The following ACOT12 variants were observed in gnomAD, a reference collection of about 807,000 sequenced individuals.
The protein encoded by ACOT12 is acetyl-coenzyme A thioesterase.
A neutral mutation model predicts 67.7 loss-of-function variants in ACOT12; 51 were observed. That is an observed-to-expected ratio of 0.75 (90% CI 0.60 to 0.95). The LOEUF is 0.95. Ranked by LOEUF, ACOT12 falls within the 40% of genes least tolerant of loss-of-function variation. ACOT12 has a pLI of 0.00. For synonymous variants in ACOT12, 251 were observed against 244.6 expected (o/e 1.03, Z -0.24); for missense variants, 734 against 708.1 (o/e 1.04, Z -0.41).
chr5:81,377,078 C>T (rs1156278348), intron 2 of ACOT12, among the ~76,000 whole-genome samples: 2 of 152,056 alleles, frequency 1.3e-5, no homozygotes, highest in African/African-American at 2.4e-5. Flanking sequence ...AACATCGATG[C>T]GAAAATCCTC....
chr5:81,339,883 T>C (rs1252824916), intron 11 of ACOT12, among the ~76,000 whole-genome samples: 1 of 140,446 alleles, frequency 7.1e-6, no homozygotes, highest in Non-Finnish European at 1.6e-5. Flanking sequence ...ATTGAAAACC[T>C]GGAAAAAACA....
At chr5:81,345,789 A>T (rs1759360939) in intron 7 of ACOT12, 96 bp downstream of exon 7, 1 of 1,496,640 alleles carries the variant, frequency 6.7e-7, no homozygotes, top group South Asian at 1.2e-5. Flanking sequence ...ATGGAATTTC[A>T]CTAAAGTAGT....
At position 81,385,642 on chromosome 5, in the gene ACOT12, T is replaced by C. The variant is rs978396949; in HGVS notation, c.197+115A>G. 5 of 948,534 alleles carry C rather than the reference T, an allele frequency of 5.3e-6. No individual in the cohort carries two copies. In the Admixed American group the frequency reaches 1.2e-4, roughly 23 times the overall value. 58.8% of individuals were successfully genotyped at this position (948,534 alleles called of 1,614,324 possible). On this transcript the variant is annotated intron_variant, in intron 2 of 14. Transcript: ENST00000307624. ...CTAAATTGGGTCACATGTTATTTAT[T>C]TTATTAAGAAACAAGATCACTACCT... is the stretch of plus-strand genomic sequence containing the variant.
At chr5:81,346,337 G>A (rs2153849689) in intron 6 of ACOT12, among the ~76,000 whole-genome samples, 1 of 152,296 alleles carries the variant, frequency 6.6e-6, no homozygotes, top group South Asian at 2.1e-4. Flanking sequence ...GCTCATGACT[G>A]TAGTCCCAAG....
At chr5:81,316,955 C>A in the ACOT12 span, among the ~76,000 whole-genome samples, 2 of 152,096 alleles carry the variant, frequency 1.3e-5, no homozygotes, top group African/African-American at 4.8e-5. Flanking sequence ...TATACAAATT[C>A]TTTAACAGGT....
At chr5:81,361,077 CAAAAAAA>C (rs71000820) in intron 4 of ACOT12, among the ~76,000 whole-genome samples, 7 of 52,636 alleles carry the variant, frequency 1.3e-4, no homozygotes, top group Non-Finnish European at 2.1e-4. Context: ...GACTCCATCT[CAAAAAAA>C]AAAAAAAAAA....
the ACOT12 span, chr5:81,313,155 G>A: frequency 2.6e-5 from 4 of 152,124 alleles, no homozygotes; most frequent in Non-Finnish European, 4.4e-5. Flanking sequence ...AAATATTTTT[G>A]TGTATAATTT....
chr5:81,365,173 G>A (rs1487350548), intron 3 of ACOT12, among the ~76,000 whole-genome samples: 1 of 152,166 alleles, frequency 6.6e-6, no homozygotes, highest in African/African-American at 2.4e-5. Flanking sequence ...TATTTCAGAT[G>A]AGTAATACTA....
At chr5:81,312,258 T>C in the ACOT12 span, among the ~76,000 whole-genome samples, 1 of 152,212 alleles carries the variant, frequency 6.6e-6, no homozygotes, top group Non-Finnish European at 1.5e-5. Context: ...ATTCATTGAC[T>C]CTGTAATGAT....
rs549669994 is a variant in ACOT12 at position 81,337,791 on chromosome 5, G to C, written c.1129-1890C>G. ...AGATTTCTAATGTGTCCACTACCCA[G>C]TTTGTGGTCCTCTGTTATAGCAGCC... On this transcript the variant is annotated intron_variant, in intron 11 of 14. Coordinates refer to ENST00000307624, the MANE Select transcript of ACOT12 (RefSeq NM_130767.3). 2.0e-5 allele frequency among the ~76,000 whole-genome samples: 3 copies of C among 152,308 alleles called. No homozygotes were observed. In the South Asian group the frequency reaches 6.2e-4, roughly 32 times the overall value.
intron 5 of ACOT12, among the ~76,000 whole-genome samples, chr5:81,351,481 G>A (rs1246907595): frequency 6.6e-6 from 1 of 152,156 alleles, no homozygotes; most frequent in Non-Finnish European, 1.5e-5. Context: ...TTTGACAAAG[G>A]TGCCAAGAAC....
chr5:81,344,097 C>A, intron 9 of ACOT12, 63 bp downstream of exon 9: 2 of 1,532,680 alleles, frequency 1.3e-6, no homozygotes, highest in East Asian at 4.5e-5. Context: ...CAGAGGGGGG[C>A]TCTTATATAA....
At position 81,335,865 on chromosome 5, in the gene ACOT12, A is replaced by T; in HGVS notation, c.1165T>A (p.Ser389Thr). The T allele has an allele frequency of 6.2e-7, 1 of 1,614,066 alleles. No individual in the cohort carries two copies. Among genetic ancestry groups the T allele is most frequent in the Non-Finnish European group, 8.5e-7 (1 of 1,179,938 alleles). ...CCCACGTGCTTTTCAACCCAAACAGATAAAACATCATGCTCTTCCAGAGTA... is the reference window on the plus strand; with the variant it reads ...CCCACGTGCTTTTCAACCCAAACAGTTAAAACATCATGCTCTTCCAGAGTA... ...IYTLEEHDVLSVWVEKHVGSP... is the reference protein window; with the variant it reads ...IYTLEEHDVLTVWVEKHVGSP... Residue 389 changes from serine (S) to threonine (T), a missense_variant, in exon 12 of 15, where the codon TCT (serine) becomes ACT (threonine). Ser to Thr is a moderately conservative substitution (Grantham distance 58, BLOSUM62 1). Coordinates refer to ENST00000307624, the MANE Select transcript of ACOT12 (RefSeq NM_130767.3).
At chr5:81,360,154 T>C (rs1188579102) in intron 4 of ACOT12, 116 bp from the exon 5 acceptor site, 1 of 1,018,500 alleles carries the variant, frequency 9.8e-7, no homozygotes, top group Non-Finnish European at 1.4e-6. Flanking sequence ...AAATAGAGCT[T>C]TTATGAGTGT....
chr5:81,369,227 T>C (rs780637190), intron 3 of ACOT12, among the ~76,000 whole-genome samples: 13 of 151,598 alleles, frequency 8.6e-5, no homozygotes, highest in Non-Finnish European at 1.6e-4. Context: ...TTAATAGTAA[T>C]GCATCACACA....
At position 81,345,984 on chromosome 5, in the gene ACOT12, G is replaced by C; in HGVS notation, c.674C>G (p.Pro225Arg). 6.2e-7 allele frequency: 1 copy of C among 1,613,958 alleles called. No individual in the cohort carries two copies. Among genetic ancestry groups the C allele is most frequent in the Non-Finnish European group, 8.5e-7 (1 of 1,179,902 alleles). ...ISASRLCWAH[P>R]FLKSVDMFKF... is the part of the protein sequence containing the mutation. ...AAACATATCTACGGACTTCAGAAAG[G>C]GATGAGCCCAACACAGGCGGCTGGG... The change falls in exon 7 of 15, where the codon CCC becomes CGC. Residue 225 changes from proline (P) to arginine (R), a missense_variant. Physicochemically the swap from Pro to Arg is moderately radical, Grantham distance 103. Transcript: ENST00000307624.
chr5:81,335,748 A>T lies in ACOT12; in HGVS notation c.1262+20T>A, dbSNP rs1476669055. On this transcript the variant is annotated intron_variant, in intron 12 of 14. Coordinates refer to ENST00000307624, the MANE Select transcript of ACOT12 (RefSeq NM_130767.3). ...ATTATGTCAAGGTTGATTGAGAAAA[A>T]TTTTTAAATTTGTTCTTACACAAAA... 2.5e-6 allele frequency: 4 copies of T among 1,601,590 alleles called. No homozygotes were observed. Among genetic ancestry groups the T allele is most frequent in the Non-Finnish European group, 3.4e-6 (4 of 1,176,196 alleles).
chr5:81,390,566 C>A (rs540379871), intron 1 of ACOT12, among the ~76,000 whole-genome samples: 1 of 151,070 alleles, frequency 6.6e-6, no homozygotes, highest in Non-Finnish European at 1.5e-5. Flanking sequence ...TGCAGTGGTA[C>A]AATCTCGGCT....
In ACOT12 at chr5:81,330,889, C is replaced by A; in HGVS notation, c.1443G>T (p.Pro481=). The change falls in exon 14 of 15, where the codon CCG becomes CCT. Residue 481 remains proline (P), a synonymous_variant. Coordinates refer to ENST00000307624, the MANE Select transcript of ACOT12 (RefSeq NM_130767.3). The part of the protein sequence containing the change: ...VKSVILPSVP[P]SPQYIRSEII... ...TTTCACTTCTGATGTACTGTGGAGACGGGGGGACCGATGGCAAAATGACCG... is the reference window on the plus strand; with the variant it reads ...TTTCACTTCTGATGTACTGTGGAGAAGGGGGGACCGATGGCAAAATGACCG... 6.2e-7 allele frequency: 1 copy of A among 1,613,008 alleles called. No homozygotes were observed. The highest frequency in any genetic ancestry group is 8.5e-7 in the Non-Finnish European group (1 of 1,179,484).
Sources: gnomAD v4.1 joint callset for allele counts (sites outside exome capture counted in the v4.1 genomes callset) on GRCh38, gnomAD v4.1.1 for gene constraint, MANE v1.5 for transcripts, NCBI Gene and HGNC (gene_info 2026-07-23, HGNC 2026-07-21) for gene names.